Variants in ARHGEF10 observed in about 807,000 individuals in gnomAD.
ARHGEF10 encodes Rho guanine nucleotide exchange factor (GEF) 10.
Under a neutral mutation model 147.4 loss-of-function variants are expected in ARHGEF10, and 140 were observed. The observed-to-expected ratio is 0.95, with a 90% CI of 0.83 to 1.09. The LOEUF is 1.09. Among genes scored for constraint, ARHGEF10 ranks in the 50% least tolerant of loss-of-function variants. ARHGEF10 has a pLI of 0.00. For synonymous variants in ARHGEF10, 902 were observed against 695.8 expected (o/e 1.30, Z -4.67); for missense variants, 2,222 against 1,752.7 (o/e 1.27, Z -4.78).
chr8:1,892,277 C>CTGTGTG (rs66526026), intron 11 of ARHGEF10, among the ~76,000 whole-genome samples: 7,581 of 126,544 alleles, frequency 0.06, 243 homozygotes, highest in African/African-American at 0.068. Flanking sequence ...GCTTCTGGCT[C>CTGTGTG]TGTGTGTGTG....
chr8:1,834,777 G>C (rs148685640), intron 1 of ARHGEF10, among the ~76,000 whole-genome samples: 5 of 152,354 alleles, frequency 3.3e-5, no homozygotes, highest in African/African-American at 9.6e-5. Flanking sequence ...TTTATGTCTT[G>C]AGTTGGAACC....
At chr8:1,893,493 C>A in intron 11 of ARHGEF10, 76 bp from the exon 12 acceptor site, 2 of 980,734 alleles carry the variant, frequency 2.0e-6, no homozygotes, top group Non-Finnish European at 3.3e-6. Context: ...ATCAGCAAGC[C>A]TCAGCATAGA....
rs1219875542 is a variant in ARHGEF10, at chr8:1,932,217, T to C, written c.3080-1583T>C. On this transcript the variant is annotated intron_variant, in intron 25 of 28. Transcript: ENST00000349830. ...CCGTGTGCCGTGCTTTAAAGGGCTA[T>C]GAGTACCAGATGGGAAGGCCCATGC... Among the ~76,000 whole-genome samples the C allele has an allele frequency of 3.9e-5, 6 of 152,192 alleles. No homozygotes were observed. The East Asian group carries it at 1.2e-3, about 30-fold the overall frequency.
rs1808312911 is a variant in ARHGEF10 at position 1,882,696 on chromosome 8, C to T, written c.1022C>T (p.Ala341Val). Reference sequence around the variant, plus strand: ...AAGGACGGGCTGGAGAGGACCAGGGCAGCCGTGAAGAGGGGCCGCTCCTTC... The same window carrying T: ...AAGGACGGGCTGGAGAGGACCAGGGTAGCCGTGAAGAGGGGCCGCTCCTTC... The part of the protein sequence containing the change: ...GTKDGLERTR[A>V]AVKRGRSFIR... Residue 341 changes from alanine (A) to valine (V), a missense_variant, in exon 10 of 29, where the codon GCA (alanine) becomes GTA (valine). Ala to Val is a moderately conservative substitution (Grantham distance 64). Coordinates refer to ENST00000349830, the MANE Select transcript of ARHGEF10 (RefSeq NM_014629.4). The T allele has an allele frequency of 1.3e-6, 2 of 1,557,260 alleles. No homozygotes were observed. The highest frequency in any genetic ancestry group is 2.4e-5 in the South Asian group (2 of 84,468).
intron 4 of ARHGEF10, among the ~76,000 whole-genome samples, chr8:1,863,678 C>G (rs7843985): frequency 0.048 from 7,278 of 152,188 alleles, 285 homozygotes; most frequent in African/African-American, 0.11. Context: ...GGGTCTGCTT[C>G]TTCTGCACTG....
In ARHGEF10 at chr8:1,957,502, G is replaced by C. The variant is rs1323323078; in HGVS notation, c.*239G>C. ...AAGGCAGAAGACTGATGCAATTTTC[G>C]AGTAATTGAGTGCAGTTCTGGGAAA... On this transcript the variant is annotated 3_prime_UTR_variant, in exon 29 of 29. Coordinates refer to ENST00000349830, the MANE Select transcript of ARHGEF10 (RefSeq NM_014629.4). The C allele has an allele frequency of 3.3e-6, 2 of 614,746 alleles. No individual in the cohort carries two copies. Among genetic ancestry groups the C allele is most frequent in the Middle Eastern group, 8.9e-4 (2 of 2,250 alleles). 38.1% of individuals were successfully genotyped at this position (614,746 alleles called of 1,614,324 possible).
intron 2 of ARHGEF10, among the ~76,000 whole-genome samples, chr8:1,855,523 AG>A (rs1202891728): frequency 1.3e-5 from 2 of 151,240 alleles, no homozygotes; most frequent in Non-Finnish European, 2.9e-5. Flanking sequence ...GTGGGACCAC[AG>A]GTCCACGCCT....
chr8:1,928,448 A>T lies in ARHGEF10; in HGVS notation c.2719A>T (p.Met907Leu), dbSNP rs771578435. 1.2e-6 allele frequency: 2 copies of T among 1,614,102 alleles called. No individual in the cohort carries two copies. Among genetic ancestry groups the T allele is most frequent in the South Asian group, 2.2e-5 (2 of 91,070 alleles). The stretch of plus-strand genomic sequence containing the variant: ...TCAGATCGGAAGTTGCACCCATCAA[A>T]TGGGTCAGATTGCCATCGTCTCGTT... Reference protein sequence around the residue: ...FLWIGSCTHQMGQIAIVSFQN... With the variant: ...FLWIGSCTHQLGQIAIVSFQN... The change falls in exon 24 of 29, where the codon ATG (methionine) becomes TTG (leucine). Residue 907 changes from methionine (M) to leucine (L), a missense_variant. Met to Leu is a conservative substitution (Grantham distance 15). Coordinates refer to ENST00000349830, the MANE Select transcript of ARHGEF10 (RefSeq NM_014629.4).
chr8:1,867,514 C>T (rs1042956366), intron 6 of ARHGEF10, among the ~76,000 whole-genome samples: 1 of 152,088 alleles, frequency 6.6e-6, no homozygotes, highest in Non-Finnish European at 1.5e-5. Context: ...GGATTATGTC[C>T]CGTCTCTGTG....
At chr8:1,852,009 C>T (rs899068762) in intron 2 of ARHGEF10, among the ~76,000 whole-genome samples, 5 of 152,128 alleles carry the variant, frequency 3.3e-5, no homozygotes, top group East Asian at 3.9e-4. Flanking sequence ...GGTGTGGGGA[C>T]GGCTCTCAGG....
At chr8:1,824,541 C>A (rs994594969) in intron 1 of ARHGEF10, among the ~76,000 whole-genome samples, 3 of 151,206 alleles carry the variant, frequency 2.0e-5, no homozygotes, top group Non-Finnish European at 4.4e-5. Flanking sequence ...CGTCTTTCCC[C>A]CGCACCCTAC....
chr8:1,853,684 G>C (rs549768532), intron 2 of ARHGEF10, among the ~76,000 whole-genome samples: 1 of 152,224 alleles, frequency 6.6e-6, no homozygotes, highest in East Asian at 1.9e-4. Context: ...GGGCTTGGCC[G>C]AGCTTGCGGG....
At chr8:1,856,543 G>GTTCCCCGGGAGGCGAC (rs1429170403) in intron 2 of ARHGEF10, among the ~76,000 whole-genome samples, 4 of 152,238 alleles carry the variant, frequency 2.6e-5, no homozygotes, top group African/African-American at 9.6e-5. Flanking sequence ...GACCGCTAGA[G>GTTCCCCGGGAGGCGAC]TTCCCCGGGA....
At chr8:1,894,682 G>A (rs534130252) in intron 13 of ARHGEF10, 110 bp downstream of exon 13, 564 of 1,278,190 alleles carry the variant, frequency 4.4e-4, no homozygotes, top group Non-Finnish European at 6.1e-4. Flanking sequence ...TGACAAGTGT[G>A]CAGTTCTCTC....
rs1803350930 is a variant in ARHGEF10, at chr8:1,833,193, A to AGAGGCAGAAGCAGAGGGAG, written c.-48+9081_-48+9082insAGGCAGAAGCAGAGGGAGG. On this transcript the variant is annotated intron_variant, in intron 1 of 28. Transcript: ENST00000349830. ...AGAAGCAGAGGGAGGCAGAGACAGA[A>AGAGGCAGAAGCAGAGGGAG]GCAGAGACAGAGGCAGAGGCAGAAG... Among the ~76,000 whole-genome samples, 2 of 35,790 alleles carry AGAGGCAGAAGCAGAGGGAG rather than the reference A, an allele frequency of 5.6e-5. 1 individual carries two copies. Among genetic ancestry groups the AGAGGCAGAAGCAGAGGGAG allele is most frequent in the South Asian group, 1.9e-3 (2 of 1,040 alleles). The allele number at this position is 35,790 out of a possible 152,430, so 23.5% of individuals were successfully genotyped here. A position where few individuals can be genotyped will look rare whatever the true frequency, so the allele number is the denominator to read the frequency against.
intron 2 of ARHGEF10, among the ~76,000 whole-genome samples, chr8:1,853,907 C>T (rs760861125): frequency 5.3e-5 from 8 of 152,204 alleles, no homozygotes; most frequent in Non-Finnish European, 8.8e-5. Context: ...CTGGGTTAGC[C>T]GAGCCTGCTC....
chr8:1,917,313 G>T (rs916277106), intron 18 of ARHGEF10, among the ~76,000 whole-genome samples: 1 of 152,222 alleles, frequency 6.6e-6, no homozygotes, highest in Non-Finnish European at 1.5e-5. Context: ...GTGAAAAACA[G>T]TTTTGTACAT....
rs1438096277 is a variant in ARHGEF10 at position 1,950,711 on chromosome 8, TTTTTG to T, written c.3398-1984_3398-1980del. Among the ~76,000 whole-genome samples the T allele has an allele frequency of 2.7e-5, 4 of 147,898 alleles. No individual in the cohort carries two copies. In the South Asian group the frequency reaches 8.5e-4, roughly 31 times the overall value. ...CACGCCCAGCTAGTTTTTTTGTATT[TTTTTG>T]TTTTGTTTTTTAGGTTTTTTTTTTT... On this transcript the variant is annotated intron_variant, in intron 27 of 28. Coordinates refer to ENST00000349830, the MANE Select transcript of ARHGEF10 (RefSeq NM_014629.4).
At chr8:1,952,870 A>G in intron 28 of ARHGEF10, 43 bp downstream of exon 28, 1 of 1,613,144 alleles carries the variant, frequency 6.2e-7, no homozygotes, top group Admixed American at 1.7e-5. Context: ...CCTGTCTTGC[A>G]GGCTCGTGGA....
Sources: allele counts gnomAD v4.1 joint callset (sites outside exome capture counted in the v4.1 genomes callset), GRCh38; gene constraint gnomAD v4.1.1; transcripts MANE v1.5; gene names NCBI Gene and HGNC (gene_info 2026-07-23, HGNC 2026-07-21).